BTNL8: variants seen among roughly 807,000 people sequenced by gnomAD.
BTNL8 encodes butyrophilin-like protein 8.
BTNL8 carries 22 observed loss-of-function variants against 36.1 expected under a neutral mutation model. The ratio of observed to expected loss-of-function variants is 0.61; its 90% CI spans 0.44 to 0.87. The LOEUF (loss-of-function observed/expected upper bound fraction) is 0.87. BTNL8 is among the 40% of genes least tolerant of loss of function. BTNL8 has a pLI of 0.00. For synonymous variants in BTNL8, 203 were observed against 235.6 expected (o/e 0.86, Z 1.27); for missense variants, 526 against 616.9 (o/e 0.85, Z 1.56).
Position 180,950,152 on chromosome 5 carries a change from T to TTA in BTNL8, c.1112_1113insAT (p.Ser372CysfsTer12), listed in dbSNP as rs1561950783. 1 of 1,462,514 alleles carries TTA rather than the reference T, an allele frequency of 6.8e-7. No homozygotes were observed. Among genetic ancestry groups the TTA allele is most frequent in the African/African-American group, 1.4e-5 (1 of 72,348 alleles). The allele number at this position is 1,462,514 out of a possible 1,614,324, so 90.6% of individuals were successfully genotyped here. A position where few individuals can be genotyped will look rare whatever the true frequency, so the allele number is the denominator to read the frequency against. ...GGACAGGAGGAAGGAGTACGTGACT[T>TTA]TGTCTCCCGATCATGGGTACTGGGT... On this transcript the variant is annotated frameshift_variant, in exon 8 of 8. Transcript: ENST00000340184. LOFTEE classifies it low-confidence loss of function (END_TRUNC).
intron 3 of BTNL8, among the ~76,000 whole-genome samples, chr5:180,933,257 A>G (rs1171033008): frequency 6.6e-6 from 1 of 152,226 alleles, no homozygotes; most frequent in Non-Finnish European, 1.5e-5. Flanking sequence ...TAATCTAGAC[A>G]CACAATCAAT....
At position 180,907,874 on chromosome 5, in the gene BTNL8, G is replaced by A. The variant is rs979496846; in HGVS notation, c.50-712G>A. ...ACTCACTTGAGGAGGCAGTCTGCCA[G>A]TTCTCAGATCTCCAGCTGCGTGCTG... is the stretch of plus-strand genomic sequence containing the variant. On this transcript the variant is annotated intron_variant, in intron 1 of 7. Transcript: ENST00000340184. Among the ~76,000 whole-genome samples, 26 of 151,300 alleles carry A rather than the reference G, an allele frequency of 1.7e-4. 1 individual carries two copies. Among genetic ancestry groups the A allele is most frequent in the South Asian group, 4.2e-4 (2 of 4,814 alleles).
At position 180,950,046 on chromosome 5, in the gene BTNL8, T is replaced by C. The variant is rs1300255249; in HGVS notation, c.1005T>C (p.Ser335=). The change falls in exon 8 of 8, where the codon AGT becomes AGC. Residue 335 remains serine, a synonymous_variant. Coordinates refer to ENST00000340184, the MANE Select transcript of BTNL8 (RefSeq NM_001040462.3). ...FTRKSVVASQ[S]FQAGKHYWEV... is the part of the protein sequence containing the mutation. ...GGAAGAGTGTGGTGGCTTCTCAGAG[T>C]TTCCAAGCAGGGAAACATTACTGGG... 3 of 1,458,772 alleles carry C rather than the reference T, an allele frequency of 2.1e-6. No individual in the cohort carries two copies. Among genetic ancestry groups the C allele is most frequent in the South Asian group, 1.1e-5 (1 of 89,128 alleles). The allele number at this position is 1,458,772 out of a possible 1,614,324, so 90.4% of individuals were successfully genotyped here. A position where few individuals can be genotyped will look rare whatever the true frequency, so the allele number is the denominator to read the frequency against.
intron 3 of BTNL8, among the ~76,000 whole-genome samples, chr5:180,928,112 C>T (rs1455026201): frequency 6.6e-6 from 1 of 152,166 alleles, no homozygotes; most frequent in Non-Finnish European, 1.5e-5. Context: ...CAAAGGGAAG[C>T]CCATCAGACT....
At chr5:180,929,488 A>G (rs1216283557) in intron 3 of BTNL8, among the ~76,000 whole-genome samples, 1 of 152,200 alleles carries the variant, frequency 6.6e-6, no homozygotes, top group African/African-American at 2.4e-5. Context: ...GGAAATAGAG[A>G]CACAAAAAAC....
Position 180,911,519 on chromosome 5 carries a change from T to C in BTNL8, c.578T>C (p.Ile193Thr). 1 of 1,614,142 alleles carries C rather than the reference T, an allele frequency of 6.2e-7. No homozygotes were observed. Among genetic ancestry groups the C allele is most frequent in the South Asian group, 1.1e-5 (1 of 91,086 alleles). Residue 193 changes from isoleucine to threonine, a missense_variant, in exon 3 of 8, where the codon ATC (isoleucine) becomes ACC (threonine). Ile to Thr is a moderately conservative substitution (Grantham distance 89). Coordinates refer to ENST00000340184, the MANE Select transcript of BTNL8 (RefSeq NM_001040462.3). Reference sequence around the variant, plus strand: ...ATGCATGGCCTGTTTGATGTGGAGATCTCTCTGACCGTCCAAGAGAACGCC... The same window carrying C: ...ATGCATGGCCTGTTTGATGTGGAGACCTCTCTGACCGTCCAAGAGAACGCC... ...RDMHGLFDVEISLTVQENAGS... is the reference protein window; with the variant it reads ...RDMHGLFDVETSLTVQENAGS...
chr5:180,932,584 C>T (rs1261224323), intron 3 of BTNL8, among the ~76,000 whole-genome samples: 2 of 152,028 alleles, frequency 1.3e-5, no homozygotes, highest in South Asian at 2.1e-4. Context: ...CTCCTGACCT[C>T]GTGATCCGCC....
chr5:180,908,999 TC>T (rs1757257038), intron 2 of BTNL8, 66 bp downstream of exon 2: 1 of 1,485,388 alleles, frequency 6.7e-7, no homozygotes, highest in South Asian at 1.3e-5. Flanking sequence ...AGTGTTTTTT[TC>T]AATAAGGAAA....
At chr5:180,918,136 G>C (rs1757725563) in intron 3 of BTNL8, among the ~76,000 whole-genome samples, 1 of 151,470 alleles carries the variant, frequency 6.6e-6, no homozygotes, top group Non-Finnish European at 1.5e-5. Flanking sequence ...CATTTTATGA[G>C]GCCACAGTTA....
chr5:180,902,258 G>T (rs929631145), intron 1 of BTNL8: 2 of 1,212,784 alleles, frequency 1.6e-6, no homozygotes, highest in Admixed American at 4.2e-5. Context: ...GAATCAAAGG[G>T]TCTACATTCA....
At chr5:180,942,531 C>T (rs1315799559) in intron 3 of BTNL8, among the ~76,000 whole-genome samples, 2 of 152,234 alleles carry the variant, frequency 1.3e-5, no homozygotes, top group East Asian at 1.9e-4. Flanking sequence ...CACTATGGAG[C>T]TTCAAAATAC....
rs980662952 is a variant in BTNL8, at chr5:180,911,572, G to A, written c.631G>A (p.Ala211Thr). The A allele has an allele frequency of 6.2e-7, 1 of 1,614,008 alleles. No individual in the cohort carries two copies. The highest frequency in any genetic ancestry group is 2.2e-5 in the East Asian group (1 of 44,870). ...AGSISCSMRHAHLSREVESRV... is the reference protein window; with the variant it reads ...AGSISCSMRHTHLSREVESRV... ...GAGCATATCCTGTTCCATGCGGCATGCTCATCTGAGCCGAGAGGTGGAATC... is the reference window on the plus strand; with the variant it reads ...GAGCATATCCTGTTCCATGCGGCATACTCATCTGAGCCGAGAGGTGGAATC... The change falls in exon 3 of 8, where the codon GCT (alanine) becomes ACT (threonine). Residue 211 changes from alanine (A) to threonine (T), a missense_variant. Physicochemically the swap from Ala to Thr is moderately conservative, Grantham distance 58. This residue lies in a region of BTNL8 where 350 missense variants were observed against 324.6 expected (regional missense o/e 1.08). Transcript: ENST00000340184.
chr5:180,912,008 G>A (rs768145570), intron 3 of BTNL8, among the ~76,000 whole-genome samples: 6 of 152,162 alleles, frequency 3.9e-5, no homozygotes, highest in African/African-American at 9.7e-5. Context: ...TCCATAATGC[G>A]GGTGGGCTTA....
intron 2 of BTNL8, 69 bp downstream of exon 2, chr5:180,909,002 A>G: frequency 2.0e-6 from 3 of 1,477,198 alleles, no homozygotes; most frequent in Admixed American, 4.5e-5. Context: ...GTTTTTTTCA[A>G]TAAGGAAATT....
intron 3 of BTNL8, among the ~76,000 whole-genome samples, chr5:180,914,651 A>T (rs940523362): frequency 6.6e-6 from 1 of 152,278 alleles, no homozygotes; most frequent in Non-Finnish European, 1.5e-5. Flanking sequence ...GAAACTATAC[A>T]TACAAACTAT....
intron 3 of BTNL8, among the ~76,000 whole-genome samples, chr5:180,943,189 C>T (rs985164754): frequency 2.2e-5 from 3 of 137,078 alleles, no homozygotes; most frequent in Non-Finnish European, 4.5e-5. Context: ...GACTGCAGTG[C>T]AATGGCGCAA....
chr5:180,944,887 T>G (rs1759163138), intron 3 of BTNL8, among the ~76,000 whole-genome samples: 1 of 152,208 alleles, frequency 6.6e-6, no homozygotes. Context: ...GTTAAAATGT[T>G]TATACTACCC....
At position 180,921,750 on chromosome 5, in the gene BTNL8, G is replaced by C. The variant is rs745781938; in HGVS notation, c.673+10136G>C. 1.3e-5 allele frequency among the ~76,000 whole-genome samples: 2 copies of C among 151,568 alleles called. 1 individual carries two copies. The highest frequency in any genetic ancestry group is 4.2e-4 in the South Asian group (2 of 4,808). ...AATAAAAGGGGTAGGAGGAAACTAC[G>C]GGAGATGATGGATATGTCTATAGTC... On this transcript the variant is annotated intron_variant, in intron 3 of 7. Coordinates refer to ENST00000340184, the MANE Select transcript of BTNL8 (RefSeq NM_001040462.3).
chr5:180,900,187 C>G (rs888115617), intron 1 of BTNL8, among the ~76,000 whole-genome samples: 1 of 152,204 alleles, frequency 6.6e-6, no homozygotes, highest in Non-Finnish European at 1.5e-5. Context: ...TATTTTCTGA[C>G]GAGCTTCTTT....
Sources: allele counts gnomAD v4.1 joint callset (sites outside exome capture counted in the v4.1 genomes callset), GRCh38; gene constraint gnomAD v4.1.1; regional missense constraint gnomAD v4.1.1; transcripts MANE v1.5; gene names NCBI Gene and HGNC (gene_info 2026-07-23, HGNC 2026-07-21).